The following LUZP1 variants were observed in gnomAD, a reference collection of about 807,000 sequenced individuals.
The protein encoded by LUZP1 is leucine zipper protein 1.
Under a neutral mutation model 71.3 loss-of-function variants are expected in LUZP1, and 25 were observed. That is an observed-to-expected ratio of 0.35 (90% CI 0.26 to 0.49). The LOEUF (loss-of-function observed/expected upper bound fraction) is 0.49, where lower values mean the gene tolerates loss of function less well. Ranked by LOEUF, LUZP1 falls within the 20% of genes least tolerant of loss-of-function variation. The pLI is 0.99. For missense variants in LUZP1, 1,142 were observed against 1,300.8 expected, an observed-to-expected ratio of 0.88 and a Z score of 1.88; for synonymous variants, 481 against 506.4, an observed-to-expected ratio of 0.95 and a Z score of 0.67.
intron 2 of LUZP1, among the ~76,000 whole-genome samples, chr1:23,129,226 A>G (rs1322955191): frequency 6.6e-6 from 1 of 152,204 alleles, no homozygotes; most frequent in African/African-American, 2.4e-5. Flanking sequence ...TAGACTCACC[A>G]TTCTCTTATT....
intron 2 of LUZP1, among the ~76,000 whole-genome samples, chr1:23,129,105 T>C (rs1340846855): frequency 6.6e-6 from 1 of 152,238 alleles, no homozygotes; most frequent in African/African-American, 2.4e-5. Context: ...ATAAAATATT[T>C]TTAAAGCCAG....
chr1:23,128,837 C>T (rs1047539403), intron 2 of LUZP1, among the ~76,000 whole-genome samples: 1 of 152,184 alleles, frequency 6.6e-6, no homozygotes, highest in Non-Finnish European at 1.5e-5. Flanking sequence ...AGGCACTTAT[C>T]TATTCAGAAC....
At chr1:23,172,073 T>C (rs756134882) in intron 1 of LUZP1, among the ~76,000 whole-genome samples, 1 of 152,196 alleles carries the variant, frequency 6.6e-6, no homozygotes, top group Non-Finnish European at 1.5e-5. Context: ...TCTCACACAG[T>C]GCCTGTGAGG....
chr1:23,108,514 C>T (rs1201985880), intron 3 of LUZP1, among the ~76,000 whole-genome samples: 3 of 152,144 alleles, frequency 2.0e-5, no homozygotes, highest in Non-Finnish European at 1.5e-5. Context: ...GTGGGAGGAT[C>T]ACCTGAGCCC....
intron 2 of LUZP1, among the ~76,000 whole-genome samples, chr1:23,166,264 G>A (rs1644509082): frequency 6.6e-6 from 1 of 152,264 alleles, no homozygotes; most frequent in Middle Eastern, 3.4e-3. Flanking sequence ...CTGAGAAACA[G>A]ACCTGGGTAT....
chr1:23,153,258 C>G (rs1644397494), intron 2 of LUZP1, among the ~76,000 whole-genome samples: 1 of 152,214 alleles, frequency 6.6e-6, no homozygotes, highest in African/African-American at 2.4e-5. Context: ...CAGTTCCCAT[C>G]AATAATACGT....
intron 2 of LUZP1, among the ~76,000 whole-genome samples, chr1:23,141,714 AT>A (rs1219250411): frequency 6.6e-6 from 1 of 152,080 alleles, no homozygotes; most frequent in African/African-American, 2.4e-5. Context: ...CAGGGTCCCA[AT>A]GTCCCCCAGG....
chr1:23,151,870 C>T (rs781358954), intron 2 of LUZP1, among the ~76,000 whole-genome samples: 4 of 151,864 alleles, frequency 2.6e-5, no homozygotes. Context: ...GGCATGGTAG[C>T]ACATACCTGT....
chr1:23,172,865 G>A (rs921492689), intron 1 of LUZP1, among the ~76,000 whole-genome samples: 2 of 150,222 alleles, frequency 1.3e-5, no homozygotes, highest in Non-Finnish European at 3.0e-5. Context: ...ACAGAGTCTC[G>A]CTCTGTTGCT....
chr1:23,092,489 A>G, exon 4 of LUZP1: 1 of 1,614,214 alleles, frequency 6.2e-7, no homozygotes, highest in Non-Finnish European at 8.5e-7. Context: ...GGCAACTGTT[A>G]TCAGCCTCAA....
intron 2 of LUZP1, among the ~76,000 whole-genome samples, chr1:23,145,833 T>C (rs1458237613): frequency 1.3e-5 from 2 of 152,092 alleles, no homozygotes; most frequent in African/African-American, 2.4e-5. Context: ...TTCCCTAGTT[T>C]ACACAAATAT....
At chr1:23,119,619 A>G (rs1644114915) in intron 2 of LUZP1, among the ~76,000 whole-genome samples, 1 of 152,104 alleles carries the variant, frequency 6.6e-6, no homozygotes, top group South Asian at 2.1e-4. Flanking sequence ...AGCACTTATC[A>G]TTCTGTATTA....
At chr1:23,165,375 A>T (rs1379768881) in intron 2 of LUZP1, among the ~76,000 whole-genome samples, 6 of 131,942 alleles carry the variant, frequency 4.5e-5, no homozygotes, top group East Asian at 4.7e-4. Flanking sequence ...TTTTTTTTTT[A>T]AAGAATGCAT....
intron 2 of LUZP1, among the ~76,000 whole-genome samples, chr1:23,159,340 CA>C (rs1007804194): frequency 8.2e-5 from 12 of 146,074 alleles, no homozygotes; most frequent in East Asian, 4.0e-4. Context: ...GACTCTGTCT[CA>C]AAAAAAAAAA....
At chr1:23,124,550 G>A (rs906846211) in intron 2 of LUZP1, among the ~76,000 whole-genome samples, 3 of 152,190 alleles carry the variant, frequency 2.0e-5, no homozygotes, top group African/African-American at 7.2e-5. Context: ...AATTTCAAGA[G>A]TTTTTCTCTT....
chr1:23,101,211 A>G (rs1643928861), intron 3 of LUZP1, among the ~76,000 whole-genome samples: 1 of 152,164 alleles, frequency 6.6e-6, no homozygotes, highest in African/African-American at 2.4e-5. Context: ...TTCCTACGTT[A>G]CTCCACGGAG....
intron 2 of LUZP1, among the ~76,000 whole-genome samples, chr1:23,133,029 G>A (rs764385315): frequency 3.9e-5 from 6 of 152,184 alleles, no homozygotes; most frequent in Non-Finnish European, 8.8e-5. Flanking sequence ...GCAAAAACCT[G>A]GGCAAAAGCC....
intron 2 of LUZP1, among the ~76,000 whole-genome samples, chr1:23,145,654 G>A (rs1011841092): frequency 9.2e-5 from 14 of 151,738 alleles, no homozygotes; most frequent in African/African-American, 3.4e-4. Flanking sequence ...ATTTTTAGTA[G>A]AGACAGGGTT....
intron 3 of LUZP1, among the ~76,000 whole-genome samples, chr1:23,102,562 T>G (rs1028199288): frequency 6.6e-6 from 1 of 152,246 alleles, no homozygotes; most frequent in African/African-American, 2.4e-5. Context: ...CTAAGGTTTC[T>G]ATTCCAGCTA....
Sources: allele counts gnomAD v4.1 joint callset (sites outside exome capture counted in the v4.1 genomes callset), GRCh38; gene constraint gnomAD v4.1.1; transcripts MANE v1.5; gene names NCBI Gene and HGNC (gene_info 2026-07-23, HGNC 2026-07-21).